NRG3: variants seen among roughly 807,000 people sequenced by gnomAD.
NRG3 encodes pro-neuregulin-3, membrane-bound isoform.
In NRG3, 31 loss-of-function variants were observed where a neutral mutation model predicts 66.9. That is an observed-to-expected ratio of 0.46 (90% CI 0.35 to 0.63). NRG3 has a LOEUF of 0.63. Among genes scored for constraint, NRG3 ranks in the 20% least tolerant of loss-of-function variants. NRG3 has a pLI of 0.00. For missense variants in NRG3, 910 were observed against 878.9 expected (o/e 1.04, Z -0.45); for synonymous variants, 393 against 359.4 (o/e 1.09, Z -1.06).
At chr10:82,984,799 A>G in intron 8 of NRG3, 2 of 1,551,148 alleles carry the variant, frequency 1.3e-6, no homozygotes, top group Non-Finnish European at 1.7e-6. Flanking sequence ...GGTCAGGAAG[A>G]CTATATCCCA....
intron 2 of NRG3, among the ~76,000 whole-genome samples, chr10:82,453,024 G>A (rs2091095339): frequency 6.6e-6 from 1 of 152,104 alleles, no homozygotes; most frequent in African/African-American, 2.4e-5. Flanking sequence ...TAAAAGAGGA[G>A]TATGAATCCT....
At chr10:82,219,382 C>T (rs185768659) in intron 1 of NRG3, among the ~76,000 whole-genome samples, 9 of 151,258 alleles carry the variant, frequency 6.0e-5, no homozygotes, top group East Asian at 3.9e-4. Flanking sequence ...ACTCGAGATT[C>T]GCTGGTCCAG....
chr10:82,984,716 G>T, intron 8 of NRG3: 1 of 1,497,936 alleles, frequency 6.7e-7, no homozygotes, highest in Admixed American at 2.0e-5. Context: ...GCCATTATGG[G>T]TGTCCTGTTT....
chr10:82,114,052 G>C (rs979216141), intron 1 of NRG3, among the ~76,000 whole-genome samples: 1 of 152,092 alleles, frequency 6.6e-6, no homozygotes, highest in African/African-American at 2.4e-5. Flanking sequence ...TCCCTGCTCT[G>C]GACGTTTTAC....
At chr10:82,335,178 C>T (rs1265187777) in intron 1 of NRG3, among the ~76,000 whole-genome samples, 1 of 152,146 alleles carries the variant, frequency 6.6e-6, no homozygotes, top group East Asian at 1.9e-4. Flanking sequence ...GGACTCAAAT[C>T]TTGTTAATGA....
intron 2 of NRG3, among the ~76,000 whole-genome samples, chr10:82,639,365 A>G (rs2050414453): frequency 1.3e-5 from 2 of 152,078 alleles, no homozygotes; most frequent in African/African-American, 4.8e-5. Context: ...TGACCTAATC[A>G]CTTCCCAAGG....
intron 3 of NRG3, among the ~76,000 whole-genome samples, chr10:82,767,799 AC>A (rs1166019549): frequency 2.6e-5 from 4 of 152,006 alleles, no homozygotes; most frequent in Admixed American, 6.6e-5. Flanking sequence ...CAGGTGAAAT[AC>A]TTTTTTTGAA....
At chr10:82,718,209 G>T (rs138031041) in intron 2 of NRG3, among the ~76,000 whole-genome samples, 15 of 152,282 alleles carry the variant, frequency 9.9e-5, no homozygotes, top group East Asian at 5.8e-4. Flanking sequence ...CAGCCTAGGA[G>T]TGAGATGGTT....
chr10:82,625,964 C>T (rs2049389646), intron 2 of NRG3, among the ~76,000 whole-genome samples: 1 of 152,016 alleles, frequency 6.6e-6, no homozygotes, highest in Non-Finnish European at 1.5e-5. Flanking sequence ...TAATAAAGAC[C>T]AATGTAAGGC....
intron 2 of NRG3, among the ~76,000 whole-genome samples, chr10:82,502,911 C>T (rs1024189197): frequency 1.6e-4 from 25 of 152,144 alleles, no homozygotes; most frequent in African/African-American, 4.3e-4. Context: ...TTTAGATAGT[C>T]GACTTATTTA....
intron 1 of NRG3, among the ~76,000 whole-genome samples, chr10:82,149,711 T>G (rs1331916172): frequency 1.3e-5 from 2 of 152,118 alleles, no homozygotes; most frequent in Non-Finnish European, 2.9e-5. Context: ...AGCTCTGTTT[T>G]TTTTTTTTTT....
intron 3 of NRG3, among the ~76,000 whole-genome samples, chr10:82,775,799 A>G (rs1294212098): frequency 6.6e-6 from 1 of 152,100 alleles, no homozygotes; most frequent in Non-Finnish European, 1.5e-5. Context: ...GTTCATTAAT[A>G]TTGGCTTTAT....
At chr10:81,995,200 G>A (rs115448070) in intron 1 of NRG3, among the ~76,000 whole-genome samples, 2,080 of 152,156 alleles carry the variant, frequency 0.014, 23 homozygotes, top group African/African-American at 0.032. Context: ...TCATGTTTAC[G>A]TTTCATATTT....
At chr10:81,909,323 C>T (rs574679491) in intron 1 of NRG3, among the ~76,000 whole-genome samples, 2 of 152,140 alleles carry the variant, frequency 1.3e-5, no homozygotes, top group South Asian at 4.1e-4. Flanking sequence ...GCAAAGGCCC[C>T]ATTTTCAAAT....
intron 7 of NRG3, among the ~76,000 whole-genome samples, chr10:82,977,144 C>G (rs1852341716): frequency 6.6e-6 from 1 of 152,166 alleles, no homozygotes; most frequent in African/African-American, 2.4e-5. Flanking sequence ...GCAGCCAACT[C>G]TAGCATCCAA....
intron 2 of NRG3, among the ~76,000 whole-genome samples, chr10:82,521,652 T>A (rs1172586741): frequency 3.3e-5 from 5 of 151,970 alleles, no homozygotes; most frequent in Admixed American, 6.6e-5. Context: ...CTGTGGAAAA[T>A]TTTTAAGACA....
chr10:82,956,315 C>G (rs1165674404), intron 5 of NRG3, among the ~76,000 whole-genome samples: 1 of 151,896 alleles, frequency 6.6e-6, no homozygotes, highest in African/African-American at 2.4e-5. Context: ...CTTTTCTTCC[C>G]CAGAGCAATG....
chr10:82,125,002 C>T (rs1230286630), intron 1 of NRG3, among the ~76,000 whole-genome samples: 1 of 152,124 alleles, frequency 6.6e-6, no homozygotes, highest in South Asian at 2.1e-4. Flanking sequence ...GCCATGCCTA[C>T]TGACTCCTGT....
At chr10:81,980,365 T>G (rs1173118004) in intron 1 of NRG3, among the ~76,000 whole-genome samples, 2 of 152,202 alleles carry the variant, frequency 1.3e-5, no homozygotes, top group African/African-American at 4.8e-5. Flanking sequence ...TATTATTATA[T>G]CTGTAATGCC....
Sources: gnomAD v4.1 joint callset for allele counts (sites outside exome capture counted in the v4.1 genomes callset) on GRCh38, gnomAD v4.1.1 for gene constraint, MANE v1.5 for transcripts, NCBI Gene and HGNC (gene_info 2026-07-23, HGNC 2026-07-21) for gene names.